The following MGAT4C variants were observed in gnomAD, a reference collection of about 807,000 sequenced individuals.
MGAT4C encodes alpha-1,3-mannosyl-glycoprotein 4-beta-N-acetylglucosaminyltransferase C.
Under a neutral mutation model 40.1 loss-of-function variants are expected in MGAT4C, and 19 were observed. The ratio of observed to expected loss-of-function variants is 0.47; its 90% CI spans 0.33 to 0.70. The LOEUF is 0.70. MGAT4C is among the 30% of genes least tolerant of loss of function. The probability of loss-of-function intolerance (pLI) is 0.02; values close to 1 mark genes in which losing one functional copy is unlikely to be tolerated. For synonymous variants in MGAT4C, 181 were observed against 187.1 expected, an observed-to-expected ratio of 0.97 and a Z score of 0.27; for missense variants, 491 against 563.2, an observed-to-expected ratio of 0.87 and a Z score of 1.30.
At chr12:86,460,602 C>T (rs1190352746) in intron 2 of MGAT4C, among the ~76,000 whole-genome samples, 1 of 151,848 alleles carries the variant, frequency 6.6e-6, no homozygotes, top group Non-Finnish European at 1.5e-5. Context: ...TGCAGGATAG[C>T]ATGTGTGTGT....
At chr12:86,685,289 G>C (rs185497091) in intron 2 of MGAT4C, among the ~76,000 whole-genome samples, 5 of 152,154 alleles carry the variant, frequency 3.3e-5, no homozygotes, top group South Asian at 2.1e-4. Flanking sequence ...TTATTAAATA[G>C]GGAATCCTTT....
At chr12:86,415,576 T>C (rs1364206676) in intron 3 of MGAT4C, among the ~76,000 whole-genome samples, 1 of 151,980 alleles carries the variant, frequency 6.6e-6, no homozygotes, top group African/African-American at 2.4e-5. Flanking sequence ...CTATGCACAA[T>C]GGATTCATCA....
chr12:86,351,440 G>A (rs937331167), intron 3 of MGAT4C, among the ~76,000 whole-genome samples: 1 of 151,888 alleles, frequency 6.6e-6, no homozygotes, highest in African/African-American at 2.4e-5. Context: ...AAATAAGGGA[G>A]AGATTGTCAA....
intron 2 of MGAT4C, among the ~76,000 whole-genome samples, chr12:86,602,196 G>C (rs1390300766): frequency 2.0e-5 from 3 of 152,060 alleles, no homozygotes; most frequent in African/African-American, 4.8e-5. Flanking sequence ...ATCCGGGCTG[G>C]TAGCATGAGC....
At position 86,175,836 on chromosome 12, in the gene MGAT4C, T is replaced by C. The variant is rs371857973; in HGVS notation, c.-57+80403A>G. On this transcript the variant is annotated intron_variant, in intron 1 of 4. Coordinates refer to ENST00000611864, the MANE Select transcript of MGAT4C (RefSeq NM_001351288.2). ...AAAAAAAAAAATTAGCCTGGCGTGGTGGCGGACGCCAGTAGTTCCAGCTAC... is the reference window on the plus strand; with the variant it reads ...AAAAAAAAAAATTAGCCTGGCGTGGCGGCGGACGCCAGTAGTTCCAGCTAC... 1.7e-4 allele frequency among the ~76,000 whole-genome samples: 24 copies of C among 144,684 alleles called. No homozygotes were observed. The East Asian group carries it at 4.0e-3, about 24-fold the overall frequency. 94.9% of individuals were successfully genotyped at this position (144,684 alleles called of 152,430 possible).
At chr12:86,043,902 A>G (rs1052564149) in intron 2 of MGAT4C, among the ~76,000 whole-genome samples, 2 of 152,198 alleles carry the variant, frequency 1.3e-5, no homozygotes, top group East Asian at 1.9e-4. Context: ...GTTAAGAACC[A>G]TTGCTGGGGA....
In MGAT4C at chr12:85,972,789, C is replaced by A. The variant is rs1883690453; in HGVS notation, c.*6500G>T. The A allele has an allele frequency of 6.6e-6, 1 of 150,936 alleles. No individual in the cohort carries two copies. The highest frequency in any genetic ancestry group is 1.5e-5 in the Non-Finnish European group (1 of 67,184). 9.3% of individuals were successfully genotyped at this position (150,936 alleles called of 1,614,324 possible). ...CTAACTTTTTGGAACTATACTTTCACTCATTGATGAAGTAAGTTACAACGT... is the reference window on the plus strand; with the variant it reads ...CTAACTTTTTGGAACTATACTTTCAATCATTGATGAAGTAAGTTACAACGT... On this transcript the variant is annotated 3_prime_UTR_variant, in exon 5 of 5. Transcript: ENST00000611864.
At chr12:86,115,340 T>C (rs1324174516) in intron 1 of MGAT4C, among the ~76,000 whole-genome samples, 1 of 151,924 alleles carries the variant, frequency 6.6e-6, no homozygotes, top group Non-Finnish European at 1.5e-5. Context: ...TCAAGAAGAC[T>C]TGTTAATCAA....
intron 2 of MGAT4C, among the ~76,000 whole-genome samples, chr12:86,445,611 C>T (rs970564447): frequency 4.7e-4 from 71 of 152,192 alleles, no homozygotes; most frequent in African/African-American, 1.7e-3. Context: ...CAGCTCTCTG[C>T]AACAGACAAA....
chr12:86,693,716 G>A (rs1950209178), intron 2 of MGAT4C, among the ~76,000 whole-genome samples: 1 of 152,108 alleles, frequency 6.6e-6, no homozygotes, highest in Non-Finnish European at 1.5e-5. Flanking sequence ...TCTCTAGCTA[G>A]TCACATTTAA....
intron 2 of MGAT4C, among the ~76,000 whole-genome samples, chr12:86,711,848 A>G (rs1262128714): frequency 6.6e-6 from 1 of 152,178 alleles, no homozygotes; most frequent in Non-Finnish European, 1.5e-5. Context: ...CTTGTTAACA[A>G]TTATTAAGAA....
chr12:86,512,885 T>C (rs189450701), intron 2 of MGAT4C, among the ~76,000 whole-genome samples: 27 of 152,254 alleles, frequency 1.8e-4, no homozygotes, highest in Middle Eastern at 3.4e-3. Context: ...TAATACTGTA[T>C]TGTATATTTA....
At chr12:86,824,194 G>T (rs1952758625) in intron 1 of MGAT4C, among the ~76,000 whole-genome samples, 1 of 151,470 alleles carries the variant, frequency 6.6e-6, no homozygotes, top group Non-Finnish European at 1.5e-5. Flanking sequence ...GCATATTACA[G>T]TGCATGTGTT....
At chr12:86,646,924 T>C (rs546356887) in intron 2 of MGAT4C, among the ~76,000 whole-genome samples, 14 of 152,098 alleles carry the variant, frequency 9.2e-5, no homozygotes, top group Admixed American at 7.2e-4. Flanking sequence ...GTTTGTACCG[T>C]GCAAATTGGT....
At chr12:86,176,996 G>A (rs915572119) in intron 1 of MGAT4C, among the ~76,000 whole-genome samples, 5 of 151,580 alleles carry the variant, frequency 3.3e-5, no homozygotes, top group Non-Finnish European at 7.4e-5. Context: ...AGTAAACAGT[G>A]AAGAAGCAGG....
chr12:86,526,259 C>T (rs945154927), intron 2 of MGAT4C, among the ~76,000 whole-genome samples: 3 of 151,946 alleles, frequency 2.0e-5, no homozygotes, highest in African/African-American at 7.3e-5. Flanking sequence ...CTGTGCCCAC[C>T]AAGGTTCCAA....
intron 3 of MGAT4C, among the ~76,000 whole-genome samples, chr12:86,351,302 A>C (rs1020488328): frequency 2.0e-5 from 3 of 152,002 alleles, no homozygotes; most frequent in Non-Finnish European, 4.4e-5. Context: ...GTTACTCACC[A>C]ATTTCTGTTA....
chr12:86,676,443 C>A (rs10492297), intron 2 of MGAT4C, among the ~76,000 whole-genome samples: 47,064 of 151,900 alleles, frequency 0.31, 9,024 homozygotes, highest in Admixed American at 0.45. Flanking sequence ...TCTGAATTAG[C>A]AAAACAAAAA....
chr12:86,038,087 A>G lies in MGAT4C; in HGVS notation c.-7+11587T>C, dbSNP rs1044661570. Among the ~76,000 whole-genome samples, 9 of 149,622 alleles carry G rather than the reference A, an allele frequency of 6.0e-5. No homozygotes were observed. In the Admixed American group the frequency reaches 6.0e-4, roughly 10 times the overall value. ...TGAGCTCTGGAAGCCCACACTTTTT[A>G]TTGGTGATCAAACAAAGAAATAGGT... On this transcript the variant is annotated intron_variant, in intron 2 of 4. Coordinates refer to ENST00000611864, the MANE Select transcript of MGAT4C (RefSeq NM_001351288.2).
Sources: gnomAD v4.1 joint callset for allele counts (sites outside exome capture counted in the v4.1 genomes callset) on GRCh38, gnomAD v4.1.1 for gene constraint, MANE v1.5 for transcripts, NCBI Gene and HGNC (gene_info 2026-07-23, HGNC 2026-07-21) for gene names.